Variants in TRAK1 observed in about 807,000 individuals in gnomAD.
TRAK1 encodes trafficking kinesin-binding protein 1.
In TRAK1, 33 loss-of-function variants were observed where a neutral mutation model predicts 92.1. The observed-to-expected ratio is 0.36, with a 90% CI of 0.27 to 0.48. The LOEUF (loss-of-function observed/expected upper bound fraction) is 0.48. Among genes scored for constraint, TRAK1 ranks in the 20% least tolerant of loss-of-function variants. The pLI is 0.99. For missense variants in TRAK1, 1,123 were observed against 1,257.9 expected (o/e 0.89, Z 1.62); for synonymous variants, 521 against 517.3 (o/e 1.01, Z -0.10).
At chr3:42,201,881 C>CGG (rs1223050319) in intron 12 of TRAK1, among the ~76,000 whole-genome samples, 1 of 96,216 alleles carries the variant, frequency 1.0e-5, no homozygotes, top group African/African-American at 4.1e-5. Flanking sequence ...GACGGACAGA[C>CGG]GGACACACAC....
At chr3:42,050,295 A>G (rs1470157414) in intron 1 of TRAK1, among the ~76,000 whole-genome samples, 1 of 152,082 alleles carries the variant, frequency 6.6e-6, no homozygotes, top group African/African-American at 2.4e-5. Flanking sequence ...TTGTGTGTTC[A>G]CTTTCTCTGA....
upstream of TRAK1, among the ~76,000 whole-genome samples, chr3:42,013,528 T>A (rs898870766): frequency 2.8e-5 from 4 of 140,456 alleles, no homozygotes; most frequent in Non-Finnish European, 4.6e-5. This position sits in a 1 kb window ranked among gnomAD's most constrained non-coding sequence, Gnocchi z 5.1. Flanking sequence ...CCGGCGGGCA[T>A]CCTGGAGGGC....
At chr3:42,135,578 A>G (rs1697849221) in intron 2 of TRAK1, among the ~76,000 whole-genome samples, 1 of 152,140 alleles carries the variant, frequency 6.6e-6, no homozygotes, top group Non-Finnish European at 1.5e-5. Flanking sequence ...AAAGAAAAAC[A>G]AAACCAAAAA....
chr3:42,100,809 G>C (rs1467091955), intron 1 of TRAK1, among the ~76,000 whole-genome samples: 3 of 152,134 alleles, frequency 2.0e-5, no homozygotes, highest in Non-Finnish European at 2.9e-5. Context: ...TGGGATTACA[G>C]GCACCTGCCA....
intron 1 of TRAK1, among the ~76,000 whole-genome samples, chr3:42,052,632 C>T (rs543238582): frequency 6.6e-6 from 1 of 152,286 alleles, no homozygotes; most frequent in Admixed American, 6.5e-5. Context: ...TACTCTGCGT[C>T]ATGTGAAGAA....
chr3:42,087,968 T>C (rs1461905485), upstream of TRAK1, among the ~76,000 whole-genome samples: 2 of 152,172 alleles, frequency 1.3e-5, no homozygotes, highest in Admixed American at 1.3e-4. Context: ...GCTATTGCTT[T>C]TTTATTTTCC....
intron 2 of TRAK1, among the ~76,000 whole-genome samples, chr3:42,161,511 G>A (rs1701268923): frequency 6.6e-6 from 1 of 152,010 alleles, no homozygotes; most frequent in Non-Finnish European, 1.5e-5. Flanking sequence ...CTAGTAGTGA[G>A]TAGCAGGGCC....
At chr3:42,067,803 GTTAGT>G (rs1402485431) in intron 1 of TRAK1, among the ~76,000 whole-genome samples, 3 of 23,364 alleles carry the variant, frequency 1.3e-4, no homozygotes, top group African/African-American at 2.6e-4. Flanking sequence ...CTATCACGTA[GTTAGT>G]TTTTTTTTCT....
At chr3:42,185,711 A>G (rs1704716890) in intron 4 of TRAK1, among the ~76,000 whole-genome samples, 1 of 133,168 alleles carries the variant, frequency 7.5e-6, no homozygotes, top group African/African-American at 2.9e-5. Context: ...CGCTCTTGTC[A>G]TTCAGGCTGG....
chr3:42,112,126 C>G (rs1466966651), intron 1 of TRAK1, among the ~76,000 whole-genome samples: 2 of 141,000 alleles, frequency 1.4e-5, no homozygotes, highest in Non-Finnish European at 3.0e-5. Context: ...TCCCTTTCCT[C>G]AGCTCTTACT....
intron 3 of TRAK1, among the ~76,000 whole-genome samples, chr3:42,182,611 G>A (rs1239659843): frequency 6.6e-6 from 1 of 152,148 alleles, no homozygotes; most frequent in Admixed American, 6.5e-5. Flanking sequence ...GTGATACCTG[G>A]CTGGCTTGTG....
At chr3:42,042,115 C>T (rs1005975324) in intron 1 of TRAK1, among the ~76,000 whole-genome samples, 24 of 151,956 alleles carry the variant, frequency 1.6e-4, no homozygotes, top group Admixed American at 2.0e-4. Context: ...TCAGTAGTGA[C>T]GGGGTTTCGC....
intron 1 of TRAK1, among the ~76,000 whole-genome samples, chr3:42,103,172 C>T (rs1303011279): frequency 1.3e-5 from 2 of 151,840 alleles, no homozygotes; most frequent in Non-Finnish European, 2.9e-5. Context: ...TGGCTGCATT[C>T]TTTTTTTTCT....
intron 15 of TRAK1, among the ~76,000 whole-genome samples, chr3:42,222,543 G>A (rs1710459028): frequency 6.6e-6 from 1 of 152,176 alleles, no homozygotes; most frequent in Non-Finnish European, 1.5e-5. Context: ...GGTAAATTTG[G>A]TGGAGAAAGA....
At chr3:42,110,275 C>A (rs1350326836) in intron 1 of TRAK1, among the ~76,000 whole-genome samples, 1 of 151,346 alleles carries the variant, frequency 6.6e-6, no homozygotes, top group Non-Finnish European at 1.5e-5. Flanking sequence ...TGGAGCCACA[C>A]AAACAATAGA....
chr3:42,018,227 C>G (rs1324772699), intron 1 of TRAK1, among the ~76,000 whole-genome samples: 2 of 151,364 alleles, frequency 1.3e-5, no homozygotes, highest in Non-Finnish European at 2.9e-5. Flanking sequence ...ATTATTGCAC[C>G]ATTGTACTCT....
At chr3:42,016,476 A>G (rs1701531246) in intron 1 of TRAK1, among the ~76,000 whole-genome samples, 2 of 152,196 alleles carry the variant, frequency 1.3e-5, no homozygotes, top group Non-Finnish European at 2.9e-5. Flanking sequence ...AAGTGCTGGG[A>G]TTATAGGCGC....
chr3:42,047,321 A>ACAGTGT (rs1702792739), intron 1 of TRAK1, among the ~76,000 whole-genome samples: 1 of 150,462 alleles, frequency 6.6e-6, no homozygotes, highest in African/African-American at 2.5e-5. Flanking sequence ...TCAGCCTTCC[A>ACAGTGT]AGAAGCTGGG....
Position 42,202,714 on chromosome 3 carries a change from A to G in TRAK1, c.1706A>G (p.Tyr569Cys), listed in dbSNP as rs760926406. The G allele has an allele frequency of 1.9e-6, 3 of 1,613,890 alleles. No individual in the cohort carries two copies. In the South Asian group the frequency reaches 3.3e-5, roughly 18 times the overall value. ...GGCATGTCCTTCAGCAGCCGCTCCT[A>G]CCTGCCTGAGAAGCTCCAGATCGTG... ...FSGMSFSSRS[Y>C]LPEKLQIVKP... The change falls in exon 13 of 16, where the codon TAC becomes TGC. Residue 569 changes from tyrosine to cysteine, a missense_variant. By Grantham distance (194) the Tyr-to-Cys change is radical (BLOSUM62 -2). Around this residue, in one of 3 missense-constraint regions of TRAK1, gnomAD observed 686 missense variants for 747.6 expected, o/e 0.92. Coordinates refer to ENST00000327628, the MANE Select transcript of TRAK1 (RefSeq NM_001042646.3). The surrounding 1 kb of genome is among the most constrained non-coding windows in gnomAD (Gnocchi z 6.1).
Sources: gnomAD v4.1 joint callset for allele counts (sites outside exome capture counted in the v4.1 genomes callset) on GRCh38, gnomAD v4.1.1 for gene constraint, gnomAD v4.1.1 regional missense constraint, Gnocchi (gnomAD v3.1) non-coding constraint, MANE v1.5 for transcripts, NCBI Gene and HGNC (gene_info 2026-07-23, HGNC 2026-07-21) for gene names.